The following DOCK1 variants were observed in gnomAD, a reference collection of about 807,000 sequenced individuals.
DOCK1 encodes the protein dedicator of cytokinesis 1.
In DOCK1, 138 loss-of-function variants were observed where a neutral mutation model predicts 262.7. The ratio of observed to expected loss-of-function variants is 0.53; its 90% CI spans 0.46 to 0.61. The LOEUF (loss-of-function observed/expected upper bound fraction) is 0.61. DOCK1 is among the 20% of genes least tolerant of loss of function. The pLI, the probability that DOCK1 is intolerant of heterozygous loss-of-function variation, is 0.00. For synonymous variants in DOCK1, 866 were observed against 867.4 expected, an observed-to-expected ratio of 1.00 and a Z score of 0.03; for missense variants, 1,908 against 2,370.7, an observed-to-expected ratio of 0.80 and a Z score of 4.05.
chr10:127,001,439 T>C (rs999221743), intron 10 of DOCK1: 7 of 152,240 alleles, frequency 4.6e-5, no homozygotes, highest in African/African-American at 7.2e-5. Flanking sequence ...TTGATTACAG[T>C]TGGTGAACCG....
At chr10:127,262,020 ATG>A (rs1294579949) in intron 29 of DOCK1, among the ~76,000 whole-genome samples, 1 of 66,392 alleles carries the variant, frequency 1.5e-5, no homozygotes, top group Non-Finnish European at 2.9e-5. Context: ...GTGTACCTGC[ATG>A]TGTGTGCATG....
chr10:127,225,435 T>C (rs2058599706), intron 27 of DOCK1, among the ~76,000 whole-genome samples: 1 of 152,200 alleles, frequency 6.6e-6, no homozygotes, highest in Non-Finnish European at 1.5e-5. Flanking sequence ...TTTCATTCTT[T>C]CCTTTGAGAT....
Position 127,100,519 on chromosome 10 carries a change from G to T in DOCK1, c.2446-5712G>T, listed in dbSNP as rs1240185500. 6.6e-6 allele frequency among the ~76,000 whole-genome samples: 1 copy of T among 152,100 alleles called. No individual in the cohort carries two copies. The highest frequency in any genetic ancestry group is 2.4e-5 in the African/African-American group (1 of 41,426). On this transcript the variant is annotated intron_variant, in intron 23 of 51. Coordinates refer to ENST00000623213, the MANE Select transcript of DOCK1 (RefSeq NM_001290223.2). The surrounding 1 kb of genome is among the most constrained non-coding windows in gnomAD (Gnocchi z 5.5). ...CAGGGTGGACCCCGGTGGGTGTGGGGTGTGGGTGTTGGGCTCAGGAGGAAG... is the reference window on the plus strand; with the variant it reads ...CAGGGTGGACCCCGGTGGGTGTGGGTTGTGGGTGTTGGGCTCAGGAGGAAG...
chr10:127,195,755 C>A (rs1249382944), intron 27 of DOCK1, among the ~76,000 whole-genome samples: 2 of 152,150 alleles, frequency 1.3e-5, no homozygotes, highest in Non-Finnish European at 2.9e-5. Flanking sequence ...CGCCCCTCAG[C>A]GACCCGGTCG....
Position 127,017,484 on chromosome 10 carries a change from G to C in DOCK1, c.1202-1226G>C, listed in dbSNP as rs1421174415. 2.2e-5 allele frequency among the ~76,000 whole-genome samples: 3 copies of C among 137,654 alleles called. No individual in the cohort carries two copies. The East Asian group carries it at 6.6e-4, about 30-fold the overall frequency. The allele number at this position is 137,654 out of a possible 152,430, so 90.3% of individuals were successfully genotyped here. ...TTAGCCACACGCATACAGATACACA[G>C]ACACAGATACACAGAGACACACACA... On this transcript the variant is annotated intron_variant, in intron 12 of 51. Transcript: ENST00000623213.
chr10:127,224,801 T>C (rs2058577238), intron 27 of DOCK1, among the ~76,000 whole-genome samples: 1 of 151,954 alleles, frequency 6.6e-6, no homozygotes, highest in African/African-American at 2.4e-5. Flanking sequence ...TATTATAATT[T>C]AAATTATTTC....
At chr10:127,400,749 A>C (rs1426752341) in intron 38 of DOCK1, among the ~76,000 whole-genome samples, 3 of 152,212 alleles carry the variant, frequency 2.0e-5, no homozygotes, top group Non-Finnish European at 4.4e-5. Flanking sequence ...AAATGATGGC[A>C]GTAAAAGAGA....
At position 127,343,663 on chromosome 10, in the gene DOCK1, T is replaced by C. The variant is rs34034225; in HGVS notation, c.3141T>C (p.Phe1047=). Residue 1047 remains phenylalanine, a synonymous_variant, in exon 31 of 52, where the codon TTT becomes TTC. Coordinates refer to ENST00000623213, the MANE Select transcript of DOCK1 (RefSeq NM_001290223.2). ...NFELQLWNNY[F]HLAVAFLTQE... is the part of the protein sequence containing the mutation. ...GTTTTCAGCTGTGGAACAACTACTTTCACCTGGCTGTTGCTTTCCTTACTC... is the reference window on the plus strand; with the variant it reads ...GTTTTCAGCTGTGGAACAACTACTTCCACCTGGCTGTTGCTTTCCTTACTC... 1.8e-4 allele frequency: 293 copies of C among 1,610,446 alleles called. No individual in the cohort carries two copies. In the African/African-American group the frequency reaches 3.4e-3, roughly 19 times the overall value.
chr10:126,999,571 AAGT>A, intron 9 of DOCK1, 136 bp downstream of exon 9: 1 of 654,132 alleles, frequency 1.5e-6, no homozygotes, highest in South Asian at 2.0e-5. Flanking sequence ...TAGTATTACT[AAGT>A]AGAGCGCATT....
intron 48 of DOCK1, among the ~76,000 whole-genome samples, chr10:127,434,035 G>T (rs541879038): frequency 6.6e-6 from 1 of 151,882 alleles, no homozygotes; most frequent in Non-Finnish European, 1.5e-5. Context: ...TGTTGTGCCC[G>T]GACAGGAGCT....
intron 1 of DOCK1, among the ~76,000 whole-genome samples, chr10:126,959,250 ATAAAAAGATCTAGC>A (rs1300070027): frequency 1.3e-5 from 2 of 152,232 alleles, no homozygotes; most frequent in African/African-American, 4.8e-5. Context: ...AGGGTCTGGA[ATAAAAAGATCTAGC>A]TATGTTAATA....
chr10:127,229,160 G>A (rs1039633170), intron 27 of DOCK1, among the ~76,000 whole-genome samples: 3 of 152,094 alleles, frequency 2.0e-5, no homozygotes, highest in Admixed American at 2.0e-4. Flanking sequence ...CCAGGCAGAG[G>A]TTGCAGTGAG....
intron 29 of DOCK1, among the ~76,000 whole-genome samples, chr10:127,280,195 C>T (rs1022800302): frequency 4.0e-5 from 6 of 151,440 alleles, no homozygotes; most frequent in Non-Finnish European, 7.4e-5. Flanking sequence ...CCACCGCACC[C>T]GGCTAATTTT....
chr10:127,039,337 C>G (rs900361331), intron 19 of DOCK1, among the ~76,000 whole-genome samples: 2 of 152,090 alleles, frequency 1.3e-5, no homozygotes, highest in Non-Finnish European at 2.9e-5. Flanking sequence ...AAATTTTGTC[C>G]TCTTTCATTT....
At chr10:127,146,068 G>A (rs372715763) in intron 27 of DOCK1, 13 of 516,492 alleles carry the variant, frequency 2.5e-5, no homozygotes, top group African/African-American at 2.1e-4. Context: ...CCAGGACTGC[G>A]TCCCGTATTT....
chr10:126,989,918 C>T (rs1366053396), intron 5 of DOCK1, among the ~76,000 whole-genome samples: 1 of 152,140 alleles, frequency 6.6e-6, no homozygotes, highest in Non-Finnish European at 1.5e-5. Flanking sequence ...TTGTACACAC[C>T]ACAGTGTGCA....
At chr10:127,316,422 G>A (rs530031706) in intron 29 of DOCK1, among the ~76,000 whole-genome samples, 22 of 152,220 alleles carry the variant, frequency 1.4e-4, no homozygotes, top group African/African-American at 4.6e-4. Context: ...GGAGAGTAAC[G>A]TTGCTTTTTT....
chr10:127,095,692 A>T (rs1012901520), intron 23 of DOCK1, among the ~76,000 whole-genome samples: 26 of 106,434 alleles, frequency 2.4e-4, no homozygotes, highest in South Asian at 5.8e-4. Context: ...TGTGTGTGTG[A>T]GCAATTAATG....
intron 1 of DOCK1, among the ~76,000 whole-genome samples, chr10:126,934,580 G>T (rs1234073193): frequency 4.6e-5 from 7 of 152,148 alleles, no homozygotes; most frequent in Non-Finnish European, 7.3e-5. Context: ...CATACATTTG[G>T]AGCAAGACTG....
Sources: gnomAD v4.1 joint callset for allele counts (sites outside exome capture counted in the v4.1 genomes callset) on GRCh38, gnomAD v4.1.1 for gene constraint, Gnocchi (gnomAD v3.1) non-coding constraint, MANE v1.5 for transcripts, NCBI Gene and HGNC (gene_info 2026-07-23, HGNC 2026-07-21) for gene names.